The following DRP2 variants were observed in gnomAD, a reference collection of about 807,000 sequenced individuals.
DRP2 encodes dystrophin-related protein 2.
In DRP2, 29 loss-of-function variants were observed where a neutral mutation model predicts 78.2. The observed-to-expected ratio is 0.37, with a 90% CI of 0.28 to 0.51. The LOEUF (loss-of-function observed/expected upper bound fraction) is 0.51, where lower values mean the gene tolerates loss of function less well. DRP2 is among the 20% of genes least tolerant of loss of function. The pLI is 0.94. For missense variants in DRP2, 686 were observed against 770.6 expected (o/e 0.89, Z 1.30); for synonymous variants, 290 against 281.9 (o/e 1.03, Z -0.29).
Position 101,225,171 on chromosome X carries a change from A to G in DRP2, c.-64+465A>G, listed in dbSNP as rs761969862. On this transcript the variant is annotated intron_variant, in intron 2 of 23. Coordinates refer to ENST00000395209, the MANE Select transcript of DRP2 (RefSeq NM_001939.3). ...TGATTTGCCAGCCTGGTGCTGCCCCATTAGACTCACTGCATCTTATCTGTT... is the reference window on the plus strand; with the variant it reads ...TGATTTGCCAGCCTGGTGCTGCCCCGTTAGACTCACTGCATCTTATCTGTT... 2.2e-3 allele frequency among the ~76,000 whole-genome samples: 244 copies of G among 110,422 alleles called. 1 individual carries two copies. Among genetic ancestry groups the G allele is most frequent in the African/African-American group, 7.6e-3 (229 of 30,236 alleles).
At chrX:101,257,449 A>AG (rs1923385562) in intron 21 of DRP2, among the ~76,000 whole-genome samples, 1 of 107,990 alleles carries the variant, frequency 9.3e-6, no homozygotes, top group Admixed American at 1.0e-4. Flanking sequence ...AAAAAAAAAA[A>AG]AGAGAGAGTA....
chrX:101,241,955 C>T lies in DRP2; in HGVS notation c.828+19C>T, dbSNP rs751973899. On this transcript the variant is annotated intron_variant, in intron 7 of 23. Coordinates refer to ENST00000395209, the MANE Select transcript of DRP2 (RefSeq NM_001939.3). ...TATTAAGGTATGCAAGCCCCCTCCC[C>T]TGACTACAGTCTACCCTGAGACCTG... is the stretch of plus-strand genomic sequence containing the variant. 4 of 1,159,735 alleles carry T rather than the reference C, an allele frequency of 3.4e-6. No individual in the cohort carries two copies. In the South Asian group the frequency reaches 7.7e-5, roughly 22 times the overall value.
At chrX:101,254,614 G>A (rs1471632956) in intron 18 of DRP2, 53 bp downstream of exon 18, 9 of 1,201,312 alleles carry the variant, frequency 7.5e-6, no homozygotes, top group Admixed American at 6.6e-5. Context: ...GAGCCCGATC[G>A]TATGCTGTGA....
At chrX:101,250,271 A>G in intron 14 of DRP2, 152 bp from the exon 15 acceptor site, 1 of 694,901 alleles carries the variant, frequency 1.4e-6, no homozygotes, top group East Asian at 3.5e-5. Flanking sequence ...CGGCTACTAG[A>G]AGGTCAGGGA....
chrX:101,252,616 T>A lies in DRP2; in HGVS notation c.1877T>A (p.Leu626Gln), dbSNP rs1392960665. Residue 626 changes from leucine (L) to glutamine (Q), a missense_variant, in exon 17 of 24, where the codon CTG becomes CAG. This residue lies in a region of DRP2 where 423 missense variants were observed against 531.5 expected (regional missense o/e 0.80). Coordinates refer to ENST00000395209, the MANE Select transcript of DRP2 (RefSeq NM_001939.3). Reference sequence around the variant, plus strand: ...TCCTCTCCCCCAAGGTACCGGAGTCTGAAGCAATTCAACGTTGACATCTGC... The same window carrying A: ...TCCTCTCCCCCAAGGTACCGGAGTCAGAAGCAATTCAACGTTGACATCTGC... ...CPIKGFRYRSLKQFNVDICQT... is the reference protein window; with the variant it reads ...CPIKGFRYRSQKQFNVDICQT... 8.3e-7 allele frequency: 1 copy of A among 1,211,485 alleles called. No homozygotes were observed. The highest frequency in any genetic ancestry group is 2.2e-5 in the Admixed American group (1 of 46,059).
chrX:101,246,244 G>T (rs1182896464), intron 11 of DRP2, among the ~76,000 whole-genome samples: 10 of 111,988 alleles, frequency 8.9e-5, no homozygotes, highest in Non-Finnish European at 1.7e-4. Context: ...TTTATCACCG[G>T]ATTAGTGCAT....
At position 101,258,517 on chromosome X, in the gene DRP2, C is replaced by T. The variant is rs138212456; in HGVS notation, c.2599C>T (p.Leu867=). 6.0e-4 allele frequency: 706 copies of T among 1,182,186 alleles called. No individual in the cohort carries two copies. The African/African-American group carries it at 8.5e-3, about 14-fold the overall frequency. Residue 867 remains leucine (L), a synonymous_variant, in exon 22 of 24, where the codon CTG becomes TTG. Transcript: ENST00000395209. The part of the protein sequence containing the change: ...EDHNKQLESQ[L]QRLRELLLQP... The stretch of plus-strand genomic sequence containing the variant: ...TCACAACAAGCAGCTAGAGTCCCAG[C>T]TGCAGCGTCTGAGGGAGCTTCTCCT...
chrX:101,231,903 T>C (rs1205984934), intron 3 of DRP2, 139 bp downstream of exon 3: 3 of 485,813 alleles, frequency 6.2e-6, no homozygotes. Context: ...GGGGAATATA[T>C]TGGGCCCATC....
Position 101,262,638 on chromosome X carries a change from T to A in DRP2, c.*2017T>A, listed in dbSNP as rs188745525. ...AGCTTAGGGTTGCCTCCTCCACCAC[T>A]AAGTCACAGGTCCAGGGTGTCAGAC... On this transcript the variant is annotated 3_prime_UTR_variant, in exon 24 of 24. Coordinates refer to ENST00000395209, the MANE Select transcript of DRP2 (RefSeq NM_001939.3). 9.0e-6 allele frequency: 1 copy of A among 111,468 alleles called. No individual in the cohort carries two copies. The highest frequency in any genetic ancestry group is 2.8e-4 in the East Asian group (1 of 3,528). The allele number at this position is 111,468 out of a possible 1,213,427, so 9.2% of individuals were successfully genotyped here.
At chrX:101,242,501 G>T in intron 8 of DRP2, 30 bp downstream of exon 8, 20 of 1,191,981 alleles carry the variant, frequency 1.7e-5, no homozygotes, top group Non-Finnish European at 2.3e-5. Context: ...TGAACCATGG[G>T]GAGGTGCCTC....
At chrX:101,228,751 T>C (rs1175322235) in intron 2 of DRP2, among the ~76,000 whole-genome samples, 2 of 110,984 alleles carry the variant, frequency 1.8e-5, no homozygotes, top group Admixed American at 9.6e-5. Flanking sequence ...CTACCAAAAA[T>C]ACAAAAAATT....
rs2147336048 is a variant in DRP2 at position 101,236,011 on chromosome X, C to G, written c.269C>G (p.Ser90Cys). 1 of 1,211,788 alleles carries G rather than the reference C, an allele frequency of 8.3e-7. No homozygotes were observed. Among genetic ancestry groups the G allele is most frequent in the Non-Finnish European group, 1.1e-6 (1 of 895,489 alleles). ...NLCWNEIKKK[S>C]HNLRARLEAF... Reference sequence around the variant, plus strand: ...TGTTGGAATGAAATAAAAAAGAAGTCTCACAACCTCCGGTAAGAAACAGGT... The same window carrying G: ...TGTTGGAATGAAATAAAAAAGAAGTGTCACAACCTCCGGTAAGAAACAGGT... The change falls in exon 4 of 24, where the codon TCT (serine) becomes TGT (cysteine). Residue 90 changes from serine (S) to cysteine (C), a missense_variant. By Grantham distance (112) the Ser-to-Cys change is moderately radical. Coordinates refer to ENST00000395209, the MANE Select transcript of DRP2 (RefSeq NM_001939.3).
At chrX:101,247,967 G>T in intron 12 of DRP2, 122 bp from the exon 13 acceptor site, 1 of 604,307 alleles carries the variant, frequency 1.7e-6, no homozygotes, top group Non-Finnish European at 2.6e-6. Context: ...TATCATATTT[G>T]CAAATGGTTG....
intron 1 of DRP2, among the ~76,000 whole-genome samples, chrX:101,224,191 G>GTTTTGTTTTGTTTTTTTTTTTT (rs1922007763): frequency 5.1e-5 from 2 of 38,880 alleles, no homozygotes; most frequent in African/African-American, 2.5e-4. Context: ...GGTTTTTTTT[G>GTTTTGTTTTGTTTTTTTTTTTT]TTTTTTTTTT....
chrX:101,240,433 G>C (rs1463426039), intron 6 of DRP2, among the ~76,000 whole-genome samples: 2 of 112,389 alleles, frequency 1.8e-5, no homozygotes. Flanking sequence ...ACCAGGTCTC[G>C]CCATGTTGGC....
chrX:101,245,510 G>T, intron 11 of DRP2, 61 bp downstream of exon 11: 4 of 939,470 alleles, frequency 4.3e-6, no homozygotes, highest in Non-Finnish European at 6.0e-6. Context: ...GTCCTATAAT[G>T]TCCATCTACA....
chrX:101,255,397 CACGGTGTTCAGTAAGA>C, intron 20 of DRP2, 148 bp downstream of exon 20: 1 of 543,014 alleles, frequency 1.8e-6, no homozygotes, highest in Non-Finnish European at 3.0e-6. Context: ...GCTTTCTGGG[CACGGTGTTCAGTAAGA>C]AAGGCAGTCT....
At chrX:101,242,059 G>A in intron 7 of DRP2, 123 bp downstream of exon 7, 2 of 901,438 alleles carry the variant, frequency 2.2e-6, no homozygotes, top group Non-Finnish European at 3.0e-6. Flanking sequence ...GTTGCTGTCA[G>A]TTTATGTGCT....
rs1233724003 is a variant in DRP2 at position 101,250,939 on chromosome X, A to C, written c.1721A>C (p.Glu574Ala). The C allele has an allele frequency of 1.7e-6, 2 of 1,211,284 alleles. No homozygotes were observed. The highest frequency in any genetic ancestry group is 2.2e-6 in the Non-Finnish European group (2 of 895,352). The change falls in exon 16 of 24, where the codon GAA becomes GCA. Residue 574 changes from glutamate (E) to alanine (A), a missense_variant. Coordinates refer to ENST00000395209, the MANE Select transcript of DRP2 (RefSeq NM_001939.3). ...FRFSTGKPVI[E>A]ASQFLEWVNL... Reference sequence around the variant, plus strand: ...TAGAGCACCGGGAAGCCAGTCATTGAAGCATCCCAGTTCCTGGAGTGGGTC... The same window carrying C: ...TAGAGCACCGGGAAGCCAGTCATTGCAGCATCCCAGTTCCTGGAGTGGGTC...
Sources: gnomAD v4.1 joint callset for allele counts (sites outside exome capture counted in the v4.1 genomes callset) on GRCh38, gnomAD v4.1.1 for gene constraint, gnomAD v4.1.1 regional missense constraint, MANE v1.5 for transcripts, NCBI Gene and HGNC (gene_info 2026-07-23, HGNC 2026-07-21) for gene names.